The following RTEL1 variants were observed in gnomAD, a reference collection of about 807,000 sequenced individuals.
The protein encoded by RTEL1 is regulator of telomere elongation helicase 1.
A neutral mutation model predicts 162.2 loss-of-function variants in RTEL1; 86 were observed. The observed-to-expected ratio is 0.53, with a 90% CI of 0.45 to 0.63. The LOEUF is 0.63. Among genes scored for constraint, RTEL1 ranks in the 30% least tolerant of loss-of-function variants. The probability of loss-of-function intolerance (pLI) is 0.00; values close to 1 mark genes in which losing one functional copy is unlikely to be tolerated. For synonymous variants in RTEL1, 958 were observed against 717.9 expected (o/e 1.33, Z -5.35); for missense variants, 1,941 against 1,750.2 (o/e 1.11, Z -1.95).
intron 8 of RTEL1, among the ~76,000 whole-genome samples, chr20:63,671,787 G>A (rs1220284545): frequency 6.6e-6 from 1 of 151,068 alleles, no homozygotes; most frequent in Non-Finnish European, 1.5e-5. Context: ...CACCATGCCC[G>A]GCCAATGTGT....
Position 63,680,012 on chromosome 20 carries a change from C to T in RTEL1, c.1135+66C>T, listed in dbSNP as rs954607635. 1.5e-4 allele frequency: 180 copies of T among 1,183,434 alleles called. 4 individuals carry two copies. The highest frequency in any genetic ancestry group is 6.2e-4 in the South Asian group (44 of 71,300). The allele number at this position is 1,183,434 out of a possible 1,614,324, so 73.3% of individuals were successfully genotyped here. A position where few individuals can be genotyped will look rare whatever the true frequency, so the allele number is the denominator to read the frequency against. On this transcript the variant is annotated intron_variant, in intron 13 of 34. Transcript: ENST00000360203. Reference sequence around the variant, plus strand: ...CGTAGGGGGTGCAGCAGGCCTCCATCTTGGCAGTCAGGGCTCCCCTGGCCG... The same window carrying T: ...CGTAGGGGGTGCAGCAGGCCTCCATTTTGGCAGTCAGGGCTCCCCTGGCCG...
Position 63,688,308 on chromosome 20 carries a change from C to A in RTEL1, c.1644C>A (p.Ile548=). 1 of 1,612,304 alleles carries A rather than the reference C, an allele frequency of 6.2e-7. No homozygotes were observed. The highest frequency in any genetic ancestry group is 8.5e-7 in the Non-Finnish European group (1 of 1,179,934). Residue 548 remains isoleucine (I), a synonymous_variant, in exon 20 of 35, where the codon ATC becomes ATA. Coordinates refer to ENST00000360203, the MANE Select transcript of RTEL1 (RefSeq NM_001283009.2). ...LSSLGKALGN[I]ARVVPYGLLI... is the part of the protein sequence containing the mutation. Reference sequence around the variant, plus strand: ...CGGCCCCTGCACTTCCAGGCAACATCGCCCGCGTGGTGCCCTATGGGCTCC... The same window carrying A: ...CGGCCCCTGCACTTCCAGGCAACATAGCCCGCGTGGTGCCCTATGGGCTCC...
At position 63,690,799 on chromosome 20, in the gene RTEL1, C is replaced by T. The variant is rs376868750; in HGVS notation, c.2414-6C>T. 543 of 1,601,142 alleles carry T rather than the reference C, an allele frequency of 3.4e-4. 2 individuals are homozygous for T. The African/African-American group carries it at 6.1e-3, about 18-fold the overall frequency. On this transcript the variant is annotated splice_polypyrimidine_tract_variant and splice_region_variant and intron_variant, in intron 26 of 34. Transcript: ENST00000360203. ...GGCTTCACTGCGCACTCGGGTGCCC[C>T]TGCAGGGTCACCAGCTGCCGGGGAC... is the stretch of plus-strand genomic sequence containing the variant.
chr20:63,693,069 C>A, intron 29 of RTEL1, 66 bp downstream of exon 29: 1 of 1,609,624 alleles, frequency 6.2e-7, no homozygotes, highest in Non-Finnish European at 8.5e-7. Context: ...GGGTGGGGGC[C>A]ATCTGGGTCC....
rs773632100 is a variant in RTEL1, at chr20:63,689,125, G to GC, written c.1871_1872insC (p.Lys626GlnfsTer40). On this transcript the variant is annotated frameshift_variant, in exon 22 of 35. Transcript: ENST00000360203. LOFTEE classifies it high-confidence loss of function. Reference sequence around the variant, plus strand: ...GGCGCCACCTTCCTGGCGGTCTGCCGGGGCAAGGTGAGCTCTCCAGGGCCC... The same window carrying GC: ...GGCGCCACCTTCCTGGCGGTCTGCCGCGGGCAAGGTGAGCTCTCCAGGGCCC... 1.9e-6 allele frequency: 3 copies of GC among 1,609,008 alleles called. No homozygotes were observed. The South Asian group carries it at 3.3e-5, about 18-fold the overall frequency.
Position 63,659,379 on chromosome 20 carries a change from G to A in RTEL1, c.-24G>A. 1 of 1,580,898 alleles carries A rather than the reference G, an allele frequency of 6.3e-7. No individual in the cohort carries two copies. The highest frequency in any genetic ancestry group is 8.7e-7 in the Non-Finnish European group (1 of 1,149,876). Reference sequence around the variant, plus strand: ...ATAGCCTGCCCCTCAGCCACGCTCTGTGCCCTTCTGAGAACAGGCTGATAT... The same window carrying A: ...ATAGCCTGCCCCTCAGCCACGCTCTATGCCCTTCTGAGAACAGGCTGATAT... On this transcript the variant is annotated 5_prime_UTR_variant, in exon 2 of 35. The change creates a new upstream start codon in the 5' untranslated region. Transcript: ENST00000360203.
chr20:63,689,275 G>T, intron 22 of RTEL1, 143 bp downstream of exon 22: 1 of 919,290 alleles, frequency 1.1e-6, no homozygotes, highest in South Asian at 1.6e-5. Context: ...CCTGCTGGGA[G>T]CGTGTCCTGC....
At chr20:63,678,996 C>T (rs2090429029) in intron 12 of RTEL1, among the ~76,000 whole-genome samples, 1 of 152,214 alleles carries the variant, frequency 6.6e-6, no homozygotes, top group African/African-American at 2.4e-5. Context: ...GACCCTGGTC[C>T]AGTCCGTCAT....
At chr20:63,678,367 C>A (rs1210871542) in intron 12 of RTEL1, 21 bp downstream of exon 12, 1 of 1,598,890 alleles carries the variant, frequency 6.3e-7, no homozygotes, top group Non-Finnish European at 8.5e-7. Context: ...GGGAGCCAGC[C>A]CCTTCACTGC....
intron 16 of RTEL1, 159 bp from the exon 17 acceptor site, chr20:63,687,479 C>A: frequency 1.2e-6 from 1 of 835,472 alleles, no homozygotes; most frequent in Non-Finnish European, 1.8e-6. Context: ...TCAGGGCAGC[C>A]TCCTTTGTTC....
chr20:63,687,740 C>T lies in RTEL1; in HGVS notation c.1451C>T (p.Pro484Leu), dbSNP rs786205700. Residue 484 changes from proline to leucine, a missense_variant, in exon 17 of 35, where the codon CCG (proline) becomes CTG (leucine). Physicochemically the swap from Pro to Leu is moderately conservative, Grantham distance 98. Transcript: ENST00000360203. ...ATCCTTACCAGCGGCACGCTGGCCC[C>T]GGTGTCCTCCTTTGCTCTGGAGATG... ...SLILTSGTLA[P>L]VSSFALEMQI... The T allele has an allele frequency of 5.0e-6, 8 of 1,585,890 alleles. No homozygotes were observed. Among genetic ancestry groups the T allele is most frequent in the East Asian group, 2.3e-5 (1 of 43,472 alleles).
At chr20:63,663,801 G>A (rs1037873171) in intron 6 of RTEL1, among the ~76,000 whole-genome samples, 3 of 152,170 alleles carry the variant, frequency 2.0e-5, no homozygotes, top group African/African-American at 7.2e-5. Flanking sequence ...CTGCACTCAC[G>A]TTTGCTGAGT....
In RTEL1 at chr20:63,695,636, C is replaced by T. The variant is rs751235783; in HGVS notation, c.3808C>T (p.Gln1270Ter). Residue 1270 changes from glutamine to a stop codon, truncating the protein, a stop_gained, in exon 34 of 35, where the codon CAA becomes TAA. Coordinates refer to ENST00000360203, the MANE Select transcript of RTEL1 (RefSeq NM_001283009.2). LOFTEE classifies it low-confidence loss of function (END_TRUNC). The stretch of plus-strand genomic sequence containing the variant: ...CTTCCAGCGCTGCCAAGCCTGCTGG[C>T]AACGGCACCTTCAGGTTGGTGCCTG... Reference protein sequence around the residue: ...CDFQRCQACWQRHLQASRMCP... With the variant: ...CDFQRCQACW The T allele has an allele frequency of 6.2e-7, 1 of 1,611,454 alleles. No homozygotes were observed. Among genetic ancestry groups the T allele is most frequent in the Non-Finnish European group, 8.5e-7 (1 of 1,179,882 alleles).
chr20:63,666,143 G>T, intron 7 of RTEL1, 64 bp downstream of exon 7: 1 of 1,244,018 alleles, frequency 8.0e-7, no homozygotes, highest in South Asian at 1.3e-5. Flanking sequence ...TGTGACCTGT[G>T]GAGGCCCGGA....
intron 8 of RTEL1, among the ~76,000 whole-genome samples, chr20:63,670,771 C>G (rs757142523): frequency 1.3e-5 from 2 of 151,440 alleles, no homozygotes; most frequent in Non-Finnish European, 2.9e-5. Flanking sequence ...TCGCTTAAGC[C>G]CAGGAGTTTG....
intron 12 of RTEL1, among the ~76,000 whole-genome samples, chr20:63,678,585 G>GGAACAGCACACACCCTCCCAC (rs1569095443): frequency 1.1e-5 from 1 of 87,150 alleles, no homozygotes; most frequent in African/African-American, 4.5e-5. Flanking sequence ...ACACACCCAT[G>GGAACAGCACACACCCTCCCAC]GAACAGCACA....
rs142039934 is a variant in RTEL1, at chr20:63,690,139, G to T, written c.2194G>T (p.Val732Phe). ...ACTGCCCTCCTGGGTGCGTCCCCACGTCAGGGTGTATGACAACTTTGGCCA... is the reference window on the plus strand; with the variant it reads ...ACTGCCCTCCTGGGTGCGTCCCCACTTCAGGGTGTATGACAACTTTGGCCA... ...AQLPSWVRPH[V>F]RVYDNFGHVI... Residue 732 changes from valine to phenylalanine, a missense_variant, in exon 25 of 35, where the codon GTC becomes TTC. By Grantham distance (50) the Val-to-Phe change is conservative (BLOSUM62 -1). Transcript: ENST00000360203. The T allele has an allele frequency of 6.2e-7, 1 of 1,612,402 alleles. No individual in the cohort carries two copies. The highest frequency in any genetic ancestry group is 1.3e-5 in the African/African-American group (1 of 74,918).
intron 30 of RTEL1, among the ~76,000 whole-genome samples, 200 bp downstream of exon 30, chr20:63,693,483 A>ACCACCTCCACCACCACCACCT (rs1568720188): frequency 2.8e-5 from 1 of 35,850 alleles, no homozygotes; most frequent in Non-Finnish European, 5.4e-5. Flanking sequence ...CTCCACCTCC[A>ACCACCTCCACCACCACCACCT]CCACCACCTC....
chr20:63,680,021 C>A, intron 13 of RTEL1, 75 bp downstream of exon 13: 1 of 1,040,108 alleles, frequency 9.6e-7, no homozygotes, highest in Non-Finnish European at 1.4e-6. Context: ...TCTTGGCAGT[C>A]AGGGCTCCCC....
Sources: allele counts gnomAD v4.1 joint callset (sites outside exome capture counted in the v4.1 genomes callset), GRCh38; gene constraint gnomAD v4.1.1; transcripts MANE v1.5; gene names NCBI Gene and HGNC (gene_info 2026-07-23, HGNC 2026-07-21).